BMP2K: variants seen among roughly 807,000 people sequenced by gnomAD.
BMP2K encodes BMP2 inducible kinase, also known as BMP-2-inducible protein kinase.
BMP2K carries 74 observed loss-of-function variants against 116.0 expected under a neutral mutation model. The observed-to-expected ratio is 0.64, with a 90% CI of 0.53 to 0.77. The LOEUF (loss-of-function observed/expected upper bound fraction) is 0.77, where lower values mean the gene tolerates loss of function less well. BMP2K is among the 30% of genes least tolerant of loss of function. BMP2K has a pLI of 0.00. For missense variants in BMP2K, 1,365 were observed against 1,403.6 expected, an observed-to-expected ratio of 0.97 and a Z score of 0.44; for synonymous variants, 486 against 502.5, an observed-to-expected ratio of 0.97 and a Z score of 0.44.
chr4:78,903,161 T>TTTGATATGATAA (rs1734105166), intron 15 of BMP2K, among the ~76,000 whole-genome samples: 1 of 151,914 alleles, frequency 6.6e-6, no homozygotes, highest in Non-Finnish European at 1.5e-5. Context: ...TTTTAACACC[T>TTTGATATGATAA]TCATAAAAGG....
chr4:78,809,495 T>A (rs888288826), intron 1 of BMP2K, among the ~76,000 whole-genome samples: 1 of 151,946 alleles, frequency 6.6e-6, no homozygotes, highest in Admixed American at 6.6e-5. Context: ...CTCCCATCTC[T>A]GCCTCCTGAG....
intron 14 of BMP2K, among the ~76,000 whole-genome samples, chr4:78,886,505 G>C (rs1733094430): frequency 6.6e-6 from 1 of 152,048 alleles, no homozygotes; most frequent in Non-Finnish European, 1.5e-5. Flanking sequence ...ATAAGGGCAG[G>C]GGTCTTTGTT....
intron 1 of BMP2K, among the ~76,000 whole-genome samples, chr4:78,794,624 A>G (rs1363174056): frequency 6.6e-5 from 10 of 152,100 alleles, no homozygotes; most frequent in African/African-American, 2.4e-4. Flanking sequence ...TGGTAGTAGC[A>G]TGATCTTGGC....
In BMP2K at chr4:78,852,146, CT is replaced by C. The variant is rs528412000; in HGVS notation, c.883+1097del. On this transcript the variant is annotated intron_variant, in intron 7 of 15. Coordinates refer to ENST00000502613, the MANE Select transcript of BMP2K (RefSeq NM_198892.2). ...CTTATTTTCTTGTGATTAGGTTTTT[CT>C]TTTTTTCTCTGTGTGTATGTAATGT... 2.6e-3 allele frequency among the ~76,000 whole-genome samples: 392 copies of C among 151,766 alleles called. 1 individual carries two copies. The highest frequency in any genetic ancestry group is 4.4e-3 in the Non-Finnish European group (301 of 67,870).
intron 1 of BMP2K, among the ~76,000 whole-genome samples, chr4:78,802,859 T>C (rs201391195): frequency 6.6e-6 from 1 of 152,080 alleles, no homozygotes; most frequent in South Asian, 2.1e-4. Flanking sequence ...TTCTCTTTTT[T>C]GTTTTTTTGA....
chr4:78,802,503 A>G (rs1439035839), intron 1 of BMP2K, among the ~76,000 whole-genome samples: 3 of 152,198 alleles, frequency 2.0e-5, no homozygotes, highest in Admixed American at 2.0e-4. Context: ...TTATACCTAA[A>G]TAAGAAATTA....
rs1734595120 is a variant in BMP2K, at chr4:78,911,424, T to G, written c.2877T>G (p.Phe959Leu). ...SNEDLFGLVP[F>L]DEITGSQQQK... ...AGGACCTTTTTGGGCTTGTGCCCTT[T>G]GATGAAATAACGGGGAGCCAGCAGC... The change falls in exon 16 of 16, where the codon TTT becomes TTG. Residue 959 changes from phenylalanine (F) to leucine (L), a missense_variant. Transcript: ENST00000502613. 1.9e-6 allele frequency: 3 copies of G among 1,613,942 alleles called. No homozygotes were observed. The highest frequency in any genetic ancestry group is 1.7e-5 in the Admixed American group (1 of 60,012).
chr4:78,859,303 C>G (rs1731654680), intron 7 of BMP2K: 1 of 241,706 alleles, frequency 4.1e-6, no homozygotes, highest in Admixed American at 5.5e-5. Context: ...ACTAAACTCA[C>G]TTTTTCTTTT....
intron 7 of BMP2K, chr4:78,859,210 G>A (rs1306364741): frequency 6.4e-6 from 1 of 157,304 alleles, no homozygotes; most frequent in Non-Finnish European, 1.4e-5. Context: ...TTGGATAATA[G>A]TAATAATTAT....
intron 1 of BMP2K, among the ~76,000 whole-genome samples, chr4:78,783,957 G>A (rs559491224): frequency 6.6e-6 from 1 of 152,206 alleles, no homozygotes; most frequent in South Asian, 2.1e-4. Flanking sequence ...CTATGTCTTC[G>A]ATATTTTAAA....
intron 9 of BMP2K, 102 bp from the exon 10 acceptor site, chr4:78,865,455 G>A: frequency 1.8e-6 from 2 of 1,092,932 alleles, no homozygotes; most frequent in Non-Finnish European, 2.7e-6. Flanking sequence ...GCGATTATCA[G>A]TAATAGTTAA....
chr4:78,784,414 A>AT (rs903962166), intron 1 of BMP2K, among the ~76,000 whole-genome samples: 2 of 152,114 alleles, frequency 1.3e-5, no homozygotes, highest in African/African-American at 4.8e-5. Context: ...ACAGCCTGCT[A>AT]TTTTTAGGGG....
intron 3 of BMP2K, among the ~76,000 whole-genome samples, chr4:78,836,988 C>T (rs745609273): frequency 1.3e-5 from 2 of 151,900 alleles, no homozygotes; most frequent in African/African-American, 2.4e-5. Context: ...CTTTTTGTGG[C>T]GTTTTTGTCT....
intron 1 of BMP2K, among the ~76,000 whole-genome samples, chr4:78,779,434 A>C (rs1191078579): frequency 6.6e-6 from 1 of 152,246 alleles, no homozygotes; most frequent in Non-Finnish European, 1.5e-5. Flanking sequence ...TCAACAGTGA[A>C]ATCACCAATA....
At chr4:78,827,825 T>C (rs959146750) in intron 2 of BMP2K, among the ~76,000 whole-genome samples, 1 of 152,058 alleles carries the variant, frequency 6.6e-6, no homozygotes, top group Non-Finnish European at 1.5e-5. Context: ...TGCTGATACG[T>C]TTTTACTTTC....
At position 78,872,741 on chromosome 4, in the gene BMP2K, C is replaced by G; in HGVS notation, c.1736C>G (p.Thr579Ser). ...TTCTCACCAGCCTTAGTTTCCTACACTTCATCACTTCCAGCTCAGGTTGGA... is the reference window on the plus strand; with the variant it reads ...TTCTCACCAGCCTTAGTTTCCTACAGTTCATCACTTCCAGCTCAGGTTGGA... The part of the protein sequence containing the change: ...QEFSPALVSY[T>S]SSLPAQVGTI... The change falls in exon 13 of 16, where the codon ACT becomes AGT. Residue 579 changes from threonine (T) to serine (S), a missense_variant. By Grantham distance (58) the Thr-to-Ser change is moderately conservative. Around this residue, in one of 3 missense-constraint regions of BMP2K, gnomAD observed 762 missense variants for 756.7 expected, o/e 1.01. Transcript: ENST00000502613. The G allele has an allele frequency of 1.2e-6, 2 of 1,614,184 alleles. No homozygotes were observed. Among genetic ancestry groups the G allele is most frequent in the South Asian group, 2.2e-5 (2 of 91,080 alleles).
chr4:78,818,178 TTTGTTACATAGG>T (rs1228732043), intron 1 of BMP2K, among the ~76,000 whole-genome samples: 3 of 152,216 alleles, frequency 2.0e-5, no homozygotes, highest in African/African-American at 7.2e-5. Context: ...AACGTGCAGG[TTTGTTACATAGG>T]TATACATGTG....
chr4:78,844,107 G>A (rs2110024268), intron 4 of BMP2K, among the ~76,000 whole-genome samples: 1 of 151,790 alleles, frequency 6.6e-6, no homozygotes, highest in East Asian at 1.9e-4. Context: ...GAAAAAACAT[G>A]TAATAGTAAT....
intron 14 of BMP2K, chr4:78,879,199 TA>T (rs1279711394): frequency 3.8e-6 from 4 of 1,065,314 alleles, no homozygotes; most frequent in Non-Finnish European, 4.5e-6. Flanking sequence ...GATGTTTCAA[TA>T]AAAAGGGAGA....
Sources: gnomAD v4.1 joint callset for allele counts (sites outside exome capture counted in the v4.1 genomes callset) on GRCh38, gnomAD v4.1.1 for gene constraint, gnomAD v4.1.1 regional missense constraint, MANE v1.5 for transcripts, NCBI Gene and HGNC (gene_info 2026-07-23, HGNC 2026-07-21) for gene names.